TENM2: variants seen among roughly 807,000 people sequenced by gnomAD.
The protein encoded by TENM2 is teneurin transmembrane protein 2, also known as teneurin-2.
A neutral mutation model predicts 245.2 loss-of-function variants in TENM2; 52 were observed. The ratio of observed to expected loss-of-function variants is 0.21; its 90% confidence interval spans 0.17 to 0.27. TENM2 has a LOEUF of 0.27. Among genes scored for constraint, TENM2 ranks in the 10% least tolerant of loss-of-function variants. The probability of loss-of-function intolerance (pLI) is 1.00; values close to 1 mark genes in which losing one functional copy is unlikely to be tolerated. For missense variants in TENM2, 3,046 were observed against 3,666.8 expected (o/e 0.83, Z 4.37); for synonymous variants, 1,363 against 1,438.9 (o/e 0.95, Z 1.19).
chr5:167,615,567 C>G (rs954309490), intron 2 of TENM2, among the ~76,000 whole-genome samples: 54 of 152,226 alleles, frequency 3.5e-4, no homozygotes, highest in Admixed American at 3.5e-3. Context: ...GATAAATGCT[C>G]TAGCTGGCAT....
At chr5:167,102,577 G>C in the TENM2 span, among the ~76,000 whole-genome samples, 1 of 152,346 alleles carries the variant, frequency 6.6e-6, no homozygotes, top group Admixed American at 6.5e-5. Flanking sequence ...AATAGGTGCA[G>C]TCTAGCACTG....
chr5:167,133,497 A>G, the TENM2 span, among the ~76,000 whole-genome samples: 4,043 of 152,242 alleles, frequency 0.027, 181 homozygotes, highest in African/African-American at 0.091. Context: ...GCAGAAACTC[A>G]AATACCTGTG....
intron 4 of TENM2, among the ~76,000 whole-genome samples, chr5:167,980,483 A>C (rs1223779928): frequency 6.6e-6 from 1 of 152,116 alleles, no homozygotes; most frequent in Non-Finnish European, 1.5e-5. Flanking sequence ...CCACCTGGAC[A>C]TGGGGAGGAG....
rs1329882100 is a variant in TENM2, at chr5:167,657,082, T to C, written c.503-218904T>C. Among the ~76,000 whole-genome samples the C allele has an allele frequency of 2.0e-5, 3 of 152,170 alleles. No homozygotes were observed. The East Asian group carries it at 5.8e-4, about 29-fold the overall frequency. On this transcript the variant is annotated intron_variant, in intron 2 of 28. Transcript: ENST00000518659. ...ATTTCTTCCTATATAGCTGTTATTT[T>C]GTGTCCTTTAACAAATTCTGCCTAT...
In TENM2 at chr5:167,707,950, A is replaced by G. The variant is rs558637892; in HGVS notation, c.503-168036A>G. Among the ~76,000 whole-genome samples, 3 of 152,338 alleles carry G rather than the reference A, an allele frequency of 2.0e-5. No individual in the cohort carries two copies. The South Asian group carries it at 6.2e-4, about 32-fold the overall frequency. The stretch of plus-strand genomic sequence containing the variant: ...TTAGGTATGGTTTACCAAGGTGAAA[A>G]GGAACGGTGTGGTGCTCGGAGTTTT... On this transcript the variant is annotated intron_variant, in intron 2 of 28. Coordinates refer to ENST00000518659, the Ensembl canonical transcript of TENM2.
intron 2 of TENM2, among the ~76,000 whole-genome samples, chr5:167,547,267 G>A (rs533980206): frequency 4.1e-4 from 63 of 151,984 alleles, no homozygotes; most frequent in Non-Finnish European, 7.1e-4. Context: ...TGTATGTTTA[G>A]TACATGTTGG....
At chr5:167,174,929 T>C in the TENM2 span, among the ~76,000 whole-genome samples, 2 of 152,160 alleles carry the variant, frequency 1.3e-5, no homozygotes, top group African/African-American at 4.8e-5. Context: ...GTATTTTTCT[T>C]TCTGTGTCTG....
intron 9 of TENM2, among the ~76,000 whole-genome samples, chr5:168,099,480 T>G (rs1042338642): frequency 6.6e-6 from 1 of 152,170 alleles, no homozygotes; most frequent in African/African-American, 2.4e-5. Context: ...CACACAAAGC[T>G]CTTAGCAGGG....
intron 12 of TENM2, 101 bp from the exon 15 acceptor site, chr5:168,162,510 C>A (rs1757834299): frequency 2.3e-6 from 3 of 1,325,604 alleles, no homozygotes; most frequent in Non-Finnish European, 3.1e-6. Context: ...GAGGCTGGCC[C>A]AGCGGCTGCC....
the TENM2 span, among the ~76,000 whole-genome samples, chr5:167,103,746 T>C: frequency 6.6e-6 from 1 of 152,146 alleles, no homozygotes; most frequent in African/African-American, 2.4e-5. Flanking sequence ...TTAGAAGATA[T>C]TTTACACTCC....
chr5:167,158,257 C>T, the TENM2 span, among the ~76,000 whole-genome samples: 2 of 152,166 alleles, frequency 1.3e-5, no homozygotes, highest in African/African-American at 4.8e-5. Flanking sequence ...GAAGCAGGCA[C>T]CTTTGCAACT....
At chr5:167,019,080 A>C in the TENM2 span, among the ~76,000 whole-genome samples, 16 of 152,308 alleles carry the variant, frequency 1.1e-4, no homozygotes, top group East Asian at 2.5e-3. Context: ...TATGCTACTC[A>C]TTCATCTCTT....
At chr5:167,353,481 GTTTTTTGTTGTTGTTGTTGTTTT>G (rs2127850428) in intron 1 of TENM2, among the ~76,000 whole-genome samples, 1 of 67,152 alleles carries the variant, frequency 1.5e-5, no homozygotes, top group South Asian at 7.5e-4. Flanking sequence ...AGTATATGGT[GTTTTTTGTTGTTGTTGTTGTTTT>G]TTTTTTTTTT....
intron 12 of TENM2, among the ~76,000 whole-genome samples, chr5:168,155,993 G>A (rs558861322): frequency 1.5e-4 from 22 of 149,394 alleles, no homozygotes; most frequent in Non-Finnish European, 2.5e-4. Flanking sequence ...TGTCTGTTAC[G>A]TGCCAACCGT....
At position 167,317,374 on chromosome 5, in the gene TENM2, T is replaced by C. The variant is rs1172834303; in HGVS notation, c.226+32311T>C. Reference sequence around the variant, plus strand: ...TGTGGCGGTTACATATCTTAGTTGCTCTTTCATCCTACCATAGAATGGAGA... The same window carrying C: ...TGTGGCGGTTACATATCTTAGTTGCCCTTTCATCCTACCATAGAATGGAGA... On this transcript the variant is annotated intron_variant, in intron 1 of 28. Coordinates refer to ENST00000518659, the Ensembl canonical transcript of TENM2. Among the ~76,000 whole-genome samples, 4 of 152,144 alleles carry C rather than the reference T, an allele frequency of 2.6e-5. No individual in the cohort carries two copies. In the East Asian group the frequency reaches 7.7e-4, roughly 29 times the overall value.
chr5:167,799,403 AT>A (rs1279071329), intron 2 of TENM2, among the ~76,000 whole-genome samples: 1 of 152,084 alleles, frequency 6.6e-6, no homozygotes, highest in East Asian at 1.9e-4. Flanking sequence ...CACTGTATTT[AT>A]TTTGGCCTTT....
At chr5:167,473,643 G>C (rs1166036776) in intron 2 of TENM2, among the ~76,000 whole-genome samples, 1 of 152,186 alleles carries the variant, frequency 6.6e-6, no homozygotes, top group African/African-American at 2.4e-5. Context: ...GCAGATCGTA[G>C]AAGTGTTATT....
At chr5:167,275,107 T>G in the TENM2 span, among the ~76,000 whole-genome samples, 1 of 152,032 alleles carries the variant, frequency 6.6e-6, no homozygotes, top group Non-Finnish European at 1.5e-5. Context: ...TCCAATACCC[T>G]TTGTTGAAAA....
At chr5:167,387,329 C>T (rs1399905994) in intron 2 of TENM2, among the ~76,000 whole-genome samples, 5 of 151,774 alleles carry the variant, frequency 3.3e-5, no homozygotes, top group Non-Finnish European at 7.4e-5. Context: ...TGGTCACTGT[C>T]GGTGTATAGA....
Sources: gnomAD v4.1 joint callset for allele counts (sites outside exome capture counted in the v4.1 genomes callset) on GRCh38, gnomAD v4.1.1 for gene constraint, MANE v1.5 for transcripts, NCBI Gene and HGNC (gene_info 2026-07-23, HGNC 2026-07-21) for gene names.